Variants in KLF12 observed in about 807,000 individuals in gnomAD.
The protein encoded by KLF12 is KLF transcription factor 12.
Under a neutral mutation model 37.8 loss-of-function variants are expected in KLF12, and 9 were observed. The ratio of observed to expected loss-of-function variants is 0.24; its 90% CI spans 0.14 to 0.42. KLF12 has a LOEUF of 0.42. KLF12 is among the 10% of genes least tolerant of loss of function. KLF12 has a pLI of 1.00. For synonymous variants in KLF12, 208 were observed against 202.1 expected (o/e 1.03, Z -0.25); for missense variants, 411 against 516.0 (o/e 0.80, Z 1.97).
the KLF12 span, among the ~76,000 whole-genome samples, chr13:74,298,548 A>G: frequency 6.6e-6 from 1 of 152,196 alleles, no homozygotes; most frequent in Non-Finnish European, 1.5e-5. Context: ...TTATATTAAT[A>G]TACAGATTTC....
intron 3 of KLF12, among the ~76,000 whole-genome samples, chr13:73,864,890 G>A (rs1300831116): frequency 3.9e-5 from 6 of 152,066 alleles, no homozygotes; most frequent in Admixed American, 1.3e-4. Flanking sequence ...TAAGGTTAGA[G>A]TAATAGTTTT....
rs570266567 is a variant in KLF12, at chr13:73,831,123, G to T, written c.670+14704C>A. On this transcript the variant is annotated intron_variant, in intron 4 of 7. Transcript: ENST00000377669. ...TTAAAAACATAATGCCACCTAATTT[G>T]AGGAATTATGGAATTGGATATTTAA... Among the ~76,000 whole-genome samples, 6 of 152,056 alleles carry T rather than the reference G, an allele frequency of 3.9e-5. No homozygotes were observed. The South Asian group carries it at 1.0e-3, about 26-fold the overall frequency.
At chr13:74,161,961 A>G in the KLF12 span, among the ~76,000 whole-genome samples, 1 of 152,216 alleles carries the variant, frequency 6.6e-6, no homozygotes, top group Non-Finnish European at 1.5e-5. Flanking sequence ...TTTTAAATCA[A>G]TATATTTTAA....
At chr13:73,793,369 A>C (rs1881792833) in intron 5 of KLF12, among the ~76,000 whole-genome samples, 1 of 152,226 alleles carries the variant, frequency 6.6e-6, no homozygotes, top group Admixed American at 6.5e-5. Context: ...ATATAACTGC[A>C]ATTTTTAAAA....
intron 3 of KLF12, among the ~76,000 whole-genome samples, chr13:73,889,093 A>G (rs1887372417): frequency 6.6e-6 from 1 of 152,164 alleles, no homozygotes; most frequent in African/African-American, 2.4e-5. Flanking sequence ...CTTCTGTTAT[A>G]ATTTCTGGTA....
the KLF12 span, among the ~76,000 whole-genome samples, chr13:74,240,872 C>G: frequency 2.0e-5 from 3 of 147,486 alleles, no homozygotes; most frequent in South Asian, 6.6e-4. Context: ...TTTTCAACTT[C>G]TTTGCCTTTG....
intron 5 of KLF12, among the ~76,000 whole-genome samples, chr13:73,805,888 T>C (rs1882583849): frequency 6.6e-6 from 1 of 152,100 alleles, no homozygotes; most frequent in South Asian, 2.1e-4. Context: ...CACTGCAACC[T>C]CCACCTCCTG....
At chr13:74,148,829 T>C in the KLF12 span, among the ~76,000 whole-genome samples, 2 of 152,174 alleles carry the variant, frequency 1.3e-5, no homozygotes, top group African/African-American at 4.8e-5. Flanking sequence ...TTTGTTTTTG[T>C]TTTGAAATGG....
In KLF12 at chr13:73,861,013, G is replaced by A. The variant is rs540433434; in HGVS notation, c.124-14640C>T. ...TCATATTTTGTATTTTTGCTAATTT[G>A]AAATACATTTTTTATAACTAGAAAA... On this transcript the variant is annotated intron_variant, in intron 3 of 7. Coordinates refer to ENST00000377669, the MANE Select transcript of KLF12 (RefSeq NM_007249.5). Among the ~76,000 whole-genome samples, 269 of 152,160 alleles carry A rather than the reference G, an allele frequency of 1.8e-3. 1 individual carries two copies. Among genetic ancestry groups the A allele is most frequent in the Middle Eastern group, 3.4e-3 (1 of 294 alleles).
At chr13:73,916,249 A>ATG (rs1888838278) in intron 3 of KLF12, among the ~76,000 whole-genome samples, 2 of 15,506 alleles carry the variant, frequency 1.3e-4, no homozygotes, top group African/African-American at 3.3e-4. Context: ...ACGCACACGC[A>ATG]CACACACACA....
At chr13:73,699,408 T>C (rs1874384516) in intron 7 of KLF12, among the ~76,000 whole-genome samples, 2 of 151,836 alleles carry the variant, frequency 1.3e-5, no homozygotes, top group Admixed American at 6.6e-5. Flanking sequence ...ATAAATAATT[T>C]TTAAAAATGA....
chr13:74,114,799 T>C (rs777369010), intron 1 of KLF12, among the ~76,000 whole-genome samples: 3 of 152,186 alleles, frequency 2.0e-5, no homozygotes, highest in Non-Finnish European at 2.9e-5. Flanking sequence ...TTCATACACA[T>C]GTCCCCCTCC....
the KLF12 span, among the ~76,000 whole-genome samples, chr13:74,280,569 A>G: frequency 6.6e-6 from 1 of 152,314 alleles, no homozygotes; most frequent in Admixed American, 6.5e-5. Flanking sequence ...AAGAGACCCA[A>G]TGGGGAAACC....
At chr13:74,276,474 T>C in the KLF12 span, among the ~76,000 whole-genome samples, 1 of 152,186 alleles carries the variant, frequency 6.6e-6, no homozygotes, top group African/African-American at 2.4e-5. Context: ...TTGAAATATA[T>C]ACTATACCAT....
intron 1 of KLF12, among the ~76,000 whole-genome samples, chr13:74,005,114 T>C (rs1892378662): frequency 6.6e-6 from 1 of 152,218 alleles, no homozygotes; most frequent in South Asian, 2.1e-4. Context: ...AATTTATGCA[T>C]AGTTTTGGCA....
intron 5 of KLF12, among the ~76,000 whole-genome samples, chr13:73,765,305 A>T (rs1879837509): frequency 6.6e-6 from 1 of 152,170 alleles, no homozygotes; most frequent in South Asian, 2.1e-4. Flanking sequence ...AACCCTTGCC[A>T]GGTACAAGGG....
At chr13:73,888,867 A>G (rs1887359862) in intron 3 of KLF12, among the ~76,000 whole-genome samples, 1 of 152,192 alleles carries the variant, frequency 6.6e-6, no homozygotes, top group South Asian at 2.1e-4. Context: ...TGGAGGCTCC[A>G]CTGCATTTGG....
At chr13:74,241,819 C>T in the KLF12 span, among the ~76,000 whole-genome samples, 1 of 152,216 alleles carries the variant, frequency 6.6e-6, no homozygotes, top group Non-Finnish European at 1.5e-5. Context: ...ACGGTGCATG[C>T]ACCCACTGAC....
intron 3 of KLF12, among the ~76,000 whole-genome samples, chr13:73,854,157 C>T (rs1885481814): frequency 6.6e-6 from 1 of 152,156 alleles, no homozygotes. Context: ...TTATTCATTG[C>T]ATGACTTAAA....
Sources: gnomAD v4.1 joint callset for allele counts (sites outside exome capture counted in the v4.1 genomes callset) on GRCh38, gnomAD v4.1.1 for gene constraint, MANE v1.5 for transcripts, NCBI Gene and HGNC (gene_info 2026-07-23, HGNC 2026-07-21) for gene names.